The following GOLPH3L variants were observed in gnomAD, a reference collection of about 807,000 sequenced individuals.
The protein encoded by GOLPH3L is Golgi phosphoprotein 3-like.
GOLPH3L carries 22 observed loss-of-function variants against 30.3 expected under a neutral mutation model. The observed-to-expected ratio is 0.73, with a 90% confidence interval of 0.52 to 1.04. GOLPH3L has a LOEUF of 1.04. Ranked by LOEUF, GOLPH3L falls within the 50% of genes least tolerant of loss-of-function variation. The probability of loss-of-function intolerance (pLI) is 0.00; values close to 1 mark genes in which losing one functional copy is unlikely to be tolerated. For missense variants in GOLPH3L, 303 were observed against 345.8 expected (o/e 0.88, Z 0.98); for synonymous variants, 120 against 128.2 (o/e 0.94, Z 0.43).
intron 2 of GOLPH3L, among the ~76,000 whole-genome samples, chr1:150,669,897 G>A (rs753296258): frequency 7.9e-5 from 12 of 151,860 alleles, no homozygotes; most frequent in Non-Finnish European, 1.6e-4. Flanking sequence ...GGGAGGTGGA[G>A]GTTGCAGTTA....
intron 3 of GOLPH3L, among the ~76,000 whole-genome samples, chr1:150,662,190 T>C (rs1338095971): frequency 6.6e-6 from 1 of 152,118 alleles, no homozygotes; most frequent in African/African-American, 2.4e-5. Context: ...ATTTTGAGTC[T>C]GGAAACCAAC....
At chr1:150,671,806 CAAAA>C (rs397793655) in intron 2 of GOLPH3L, among the ~76,000 whole-genome samples, 12 of 47,176 alleles carry the variant, frequency 2.5e-4, no homozygotes, top group South Asian at 9.8e-4. Context: ...AACTCCGTCT[CAAAA>C]AAAAAAAAAA....
rs778607201 is a variant in GOLPH3L, at chr1:150,694,645, A to G, written c.183+11T>C. On this transcript the variant is annotated intron_variant, in intron 2 of 4. Coordinates refer to ENST00000271732, the MANE Select transcript of GOLPH3L (RefSeq NM_018178.6). Reference sequence around the variant, plus strand: ...GTCTTTGAGATAGCCTAGCAAACCTAACTGCATTACCTCTTTATCTTTTAG... The same window carrying G: ...GTCTTTGAGATAGCCTAGCAAACCTGACTGCATTACCTCTTTATCTTTTAG... The G allele has an allele frequency of 6.4e-7, 1 of 1,553,750 alleles. No individual in the cohort carries two copies. The highest frequency in any genetic ancestry group is 1.9e-5 in the Admixed American group (1 of 52,770).
In GOLPH3L at chr1:150,693,200, T is replaced by C. The variant is rs587711162; in HGVS notation, c.183+1456A>G. Among the ~76,000 whole-genome samples the C allele has an allele frequency of 5.9e-5, 9 of 152,266 alleles. No individual in the cohort carries two copies. In the South Asian group the frequency reaches 1.7e-3, roughly 28 times the overall value. Reference sequence around the variant, plus strand: ...CAATACACAGACTATAACTGGTCTGTAAATTTTGTTCAAGTTGGTAATTTA... The same window carrying C: ...CAATACACAGACTATAACTGGTCTGCAAATTTTGTTCAAGTTGGTAATTTA... On this transcript the variant is annotated intron_variant, in intron 2 of 4. Coordinates refer to ENST00000271732, the MANE Select transcript of GOLPH3L (RefSeq NM_018178.6).
At chr1:150,685,558 T>TA (rs1273846153) in intron 2 of GOLPH3L, among the ~76,000 whole-genome samples, 1 of 151,824 alleles carries the variant, frequency 6.6e-6, no homozygotes, top group African/African-American at 2.4e-5. Context: ...CTACTAAAAA[T>TA]AAAAAATTAG....
intron 2 of GOLPH3L, among the ~76,000 whole-genome samples, chr1:150,667,180 C>T (rs1272345991): frequency 6.6e-6 from 1 of 152,092 alleles, no homozygotes; most frequent in Non-Finnish European, 1.5e-5. Flanking sequence ...GTAATTTGAT[C>T]TTCATGTTAT....
At position 150,694,732 on chromosome 1, in the gene GOLPH3L, T is replaced by C. The variant is rs587735370; in HGVS notation, c.107A>G (p.Glu36Gly). 8 of 1,607,794 alleles carry C rather than the reference T, an allele frequency of 5.0e-6. No homozygotes were observed. In the South Asian group the frequency reaches 6.6e-5, roughly 13 times the overall value. The change falls in exon 2 of 5, where the codon GAA (glutamate) becomes GGA (glycine). Residue 36 changes from glutamate (E) to glycine (G), a missense_variant. Physicochemically the swap from Glu to Gly is moderately conservative, Grantham distance 98 (BLOSUM62 -2). Transcript: ENST00000271732. Reference protein sequence around the residue: ...DSNWEKSPDNEDSGDSKDIRL... With the variant: ...DSNWEKSPDNGDSGDSKDIRL... ...GATATCCTTAGAGTCTCCAGAATCT[T>C]CATTGTCTGGACTTTTCTCCCAATT...
chr1:150,661,908 G>A lies in GOLPH3L; in HGVS notation c.336C>T (p.Ser112=). ...LDRKVLLKSD[S]PTGDVLLDET... ...CATCCAGTAAAACATCACCTGTTGG[G>A]CTGTCTGACTTTAGCAGTACCTTTG... Residue 112 remains serine, a synonymous_variant, in exon 4 of 5, where the codon AGC becomes AGT. Transcript: ENST00000271732. The A allele has an allele frequency of 6.4e-7, 1 of 1,565,344 alleles. No homozygotes were observed. The highest frequency in any genetic ancestry group is 1.1e-5 in the South Asian group (1 of 90,156).
At chr1:150,684,769 G>A (rs1047350676) in intron 2 of GOLPH3L, among the ~76,000 whole-genome samples, 1 of 152,088 alleles carries the variant, frequency 6.6e-6, no homozygotes, top group Non-Finnish European at 1.5e-5. Context: ...CTGGGTTTAA[G>A]CAATTCTCCT....
intron 4 of GOLPH3L, among the ~76,000 whole-genome samples, chr1:150,661,375 G>A (rs969172926): frequency 2.6e-5 from 4 of 152,168 alleles, no homozygotes; most frequent in African/African-American, 7.2e-5. Flanking sequence ...GTCCGTGCGT[G>A]TTCACAGCAG....
chr1:150,651,642 C>CAAAAAAAAAAAAAAAAAAAAAGAAAAACA (rs1650107197), intron 4 of GOLPH3L, among the ~76,000 whole-genome samples: 3 of 60,852 alleles, frequency 4.9e-5, no homozygotes, highest in African/African-American at 7.2e-5. Flanking sequence ...GAGCGAAACT[C>CAAAAAAAAAAAAAAAAAAAAAGAAAAACA]AAAAAAAAAA....
chr1:150,654,091 T>TA (rs587759741), intron 4 of GOLPH3L, among the ~76,000 whole-genome samples: 126 of 151,816 alleles, frequency 8.3e-4, no homozygotes, highest in African/African-American at 2.8e-3. Flanking sequence ...CTCAAATATT[T>TA]AAAAAAATGG....
At chr1:150,654,078 A>T (rs965842660) in intron 4 of GOLPH3L, among the ~76,000 whole-genome samples, 1 of 152,090 alleles carries the variant, frequency 6.6e-6, no homozygotes, top group African/African-American at 2.4e-5. Context: ...TGTCTTAAAG[A>T]TGCTCAAATA....
chr1:150,691,081 A>AGG (rs1469504571), intron 2 of GOLPH3L, among the ~76,000 whole-genome samples: 21 of 151,898 alleles, frequency 1.4e-4, no homozygotes, highest in Admixed American at 9.2e-4. Context: ...ATCACTTGAG[A>AGG]TCAGGAGTTC....
At position 150,648,711 on chromosome 1, in the gene GOLPH3L, C is replaced by T; in HGVS notation, c.468G>A (p.Leu156=). The T allele has an allele frequency of 1.9e-6, 3 of 1,612,656 alleles. No individual in the cohort carries two copies. The highest frequency in any genetic ancestry group is 2.5e-6 in the Non-Finnish European group (3 of 1,178,712). ...TWNPFKLQYQ[L]RNVRERIAKN... ...TTGCGATGCGCTCTCGTACATTTCTCAGCTGGTACTGTAATTTGAAGGGGT... is the reference window on the plus strand; with the variant it reads ...TTGCGATGCGCTCTCGTACATTTCTTAGCTGGTACTGTAATTTGAAGGGGT... The change falls in exon 5 of 5, where the codon CTG becomes CTA. Residue 156 remains leucine, a synonymous_variant. Transcript: ENST00000271732.
intron 2 of GOLPH3L, among the ~76,000 whole-genome samples, chr1:150,693,847 ATTTTT>A (rs66627372): frequency 6.6e-4 from 18 of 27,180 alleles, no homozygotes; most frequent in East Asian, 1.4e-3. Context: ...ATATATATAT[ATTTTT>A]TTTTTTTTTT....
intron 2 of GOLPH3L, among the ~76,000 whole-genome samples, chr1:150,667,410 C>A (rs1175723423): frequency 6.6e-6 from 1 of 152,132 alleles, no homozygotes; most frequent in Non-Finnish European, 1.5e-5. Flanking sequence ...TCCCTCCCCT[C>A]ATGCTTAAAA....
At chr1:150,689,722 G>A (rs1377498306) in intron 2 of GOLPH3L, among the ~76,000 whole-genome samples, 2 of 151,670 alleles carry the variant, frequency 1.3e-5, no homozygotes, top group Non-Finnish European at 2.9e-5. Flanking sequence ...TTGGCTCATT[G>A]CAGCCTCTGC....
intron 3 of GOLPH3L, among the ~76,000 whole-genome samples, chr1:150,663,320 G>C (rs974568365): frequency 6.6e-6 from 1 of 152,046 alleles, no homozygotes; most frequent in East Asian, 1.9e-4. Flanking sequence ...GATTACAAGC[G>C]TGAGCCACTG....
Sources: gnomAD v4.1 joint callset for allele counts (sites outside exome capture counted in the v4.1 genomes callset) on GRCh38, gnomAD v4.1.1 for gene constraint, MANE v1.5 for transcripts, NCBI Gene and HGNC (gene_info 2026-07-23, HGNC 2026-07-21) for gene names.